Variants in SLIT2 observed in about 807,000 individuals in gnomAD.
SLIT2 encodes the protein slit homolog 2 protein.
SLIT2 carries 41 observed loss-of-function variants against 185.7 expected under a neutral mutation model. That is an observed-to-expected ratio of 0.22 (90% confidence interval 0.17 to 0.29). The LOEUF is 0.29. Among genes scored for constraint, SLIT2 ranks in the 10% least tolerant of loss-of-function variants. SLIT2 has a pLI of 1.00. For missense variants in SLIT2, 1,571 were observed against 1,909.0 expected (o/e 0.82, Z 3.30); for synonymous variants, 693 against 680.2 (o/e 1.02, Z -0.29).
At chr4:20,491,724 G>A in intron 8 of SLIT2, 37 bp from the exon 9 acceptor site, 4 of 1,581,942 alleles carry the variant, frequency 2.5e-6, no homozygotes, top group Non-Finnish European at 2.6e-6. Context: ...ATGATATTCA[G>A]GAGGAAAAAT....
chr4:20,472,911 ATAGT>A, intron 5 of SLIT2, among the ~76,000 whole-genome samples: 1 of 151,720 alleles, frequency 6.6e-6, no homozygotes, highest in South Asian at 2.1e-4. Context: ...ATTCTTAGTT[ATAGT>A]TATCCTAGGA....
chr4:20,529,510 G>A (rs1370203701), intron 16 of SLIT2, among the ~76,000 whole-genome samples: 1 of 152,102 alleles, frequency 6.6e-6, no homozygotes, highest in Non-Finnish European at 1.5e-5. Flanking sequence ...TAGATTCAAG[G>A]AGTCTGTCTT....
chr4:20,557,381 C>T lies in SLIT2; in HGVS notation c.2725+3413C>T, dbSNP rs149295563. Among the ~76,000 whole-genome samples the T allele has an allele frequency of 9.9e-5, 15 of 152,024 alleles. No homozygotes were observed. In the East Asian group the frequency reaches 1.4e-3, roughly 14 times the overall value. ...TGAAGCCAATGCTCATTTACCATTCCGAAAATCCTAGAGCCCTTGATAATT... is the reference window on the plus strand; with the variant it reads ...TGAAGCCAATGCTCATTTACCATTCTGAAAATCCTAGAGCCCTTGATAATT... On this transcript the variant is annotated intron_variant, in intron 26 of 36. Transcript: ENST00000504154.
At chr4:20,403,119 A>G (rs1281654778) in intron 4 of SLIT2, among the ~76,000 whole-genome samples, 1 of 152,052 alleles carries the variant, frequency 6.6e-6, no homozygotes, top group Non-Finnish European at 1.5e-5. Context: ...TCCAGATGCA[A>G]CTTGAAAATG....
At position 20,407,096 on chromosome 4, in the gene SLIT2, G is replaced by A. The variant is rs1455288765; in HGVS notation, c.396-60656G>A. On this transcript the variant is annotated intron_variant, in intron 4 of 36. Coordinates refer to ENST00000504154, the MANE Select transcript of SLIT2 (RefSeq NM_004787.4). ...TTTATTTCTTCAAAGTTCAAAAATG[G>A]CAGAACTAATCTGTAATAACATCAA... 6.6e-5 allele frequency among the ~76,000 whole-genome samples: 10 copies of A among 152,194 alleles called. No individual in the cohort carries two copies. The East Asian group carries it at 1.7e-3, about 26-fold the overall frequency.
Position 20,617,050 on chromosome 4 carries a change from T to G in SLIT2, c.3988T>G (p.Leu1330Val). 1 of 1,614,210 alleles carries G rather than the reference T, an allele frequency of 6.2e-7. No homozygotes were observed. The highest frequency in any genetic ancestry group is 1.1e-5 in the South Asian group (1 of 91,088). The change falls in exon 35 of 37, where the codon TTG (leucine) becomes GTG (valine). Residue 1330 changes from leucine (L) to valine (V), a missense_variant. Leu to Val is a conservative substitution (Grantham distance 32). This residue lies in a region of SLIT2 where 146 missense variants were observed against 247.4 expected (regional missense o/e 0.59). Coordinates refer to ENST00000504154, the MANE Select transcript of SLIT2 (RefSeq NM_004787.4). ...GAAGGTGCCGATGCAAACAGGCATT[T>G]TGCCTGGCTGTGAGCCATGCCACAA... ...FQKVPMQTGILPGCEPCHKKV... is the reference protein window; with the variant it reads ...FQKVPMQTGIVPGCEPCHKKV...
At chr4:20,374,460 G>C (rs1476659034) in intron 4 of SLIT2, among the ~76,000 whole-genome samples, 1 of 151,886 alleles carries the variant, frequency 6.6e-6, no homozygotes, top group Non-Finnish European at 1.5e-5. Flanking sequence ...CTGTTCTTTG[G>C]CATTTAAATG....
chr4:20,511,719 T>C (rs911062547), intron 11 of SLIT2, among the ~76,000 whole-genome samples: 11 of 151,364 alleles, frequency 7.3e-5, no homozygotes, highest in Non-Finnish European at 1.3e-4. Flanking sequence ...TGAGCCACCG[T>C]GCCCGGCCCA....
At chr4:20,272,213 T>G (rs1253054413) in intron 4 of SLIT2, among the ~76,000 whole-genome samples, 6 of 151,754 alleles carry the variant, frequency 4.0e-5, no homozygotes, top group African/African-American at 1.5e-4. Flanking sequence ...AAGCACTTGT[T>G]GACAGATGGA....
At chr4:20,414,046 G>A (rs1035129185) in intron 4 of SLIT2, among the ~76,000 whole-genome samples, 1 of 151,826 alleles carries the variant, frequency 6.6e-6, no homozygotes, top group African/African-American at 2.4e-5. Context: ...CTCTCTTATT[G>A]CTTCCATAGT....
intron 4 of SLIT2, among the ~76,000 whole-genome samples, chr4:20,276,211 CA>C (rs938192101): frequency 6.6e-6 from 1 of 152,028 alleles, no homozygotes; most frequent in African/African-American, 2.4e-5. Flanking sequence ...AAGTTTGAAC[CA>C]GAAGTCGTTT....
chr4:20,272,655 T>C (rs1713747277), intron 4 of SLIT2, among the ~76,000 whole-genome samples: 1 of 152,126 alleles, frequency 6.6e-6, no homozygotes, highest in African/African-American at 2.4e-5. Context: ...TTTCGGTTTA[T>C]TTCTTTGAGT....
chr4:20,383,161 C>T (rs1178701616), intron 4 of SLIT2, among the ~76,000 whole-genome samples: 2 of 152,118 alleles, frequency 1.3e-5, no homozygotes, highest in Non-Finnish European at 2.9e-5. Context: ...AACCTTGCAA[C>T]TTCTAGTAGA....
At chr4:20,366,364 T>C (rs1723117259) in intron 4 of SLIT2, among the ~76,000 whole-genome samples, 2 of 152,184 alleles carry the variant, frequency 1.3e-5, no homozygotes, top group African/African-American at 4.8e-5. Flanking sequence ...ACAAAATGCA[T>C]ATATCAAATG....
chr4:20,369,722 C>A (rs1723422436), intron 4 of SLIT2, among the ~76,000 whole-genome samples: 1 of 152,056 alleles, frequency 6.6e-6, no homozygotes, highest in South Asian at 2.1e-4. Context: ...TATGTCACTG[C>A]TTTGGCATCA....
chr4:20,332,839 A>G (rs569542761), intron 4 of SLIT2, among the ~76,000 whole-genome samples: 1 of 152,278 alleles, frequency 6.6e-6, no homozygotes, highest in African/African-American at 2.4e-5. Context: ...GGACTTCAAA[A>G]TGGTTCTTAC....
chr4:20,411,583 CAAAG>C (rs1460915815), intron 4 of SLIT2, among the ~76,000 whole-genome samples: 2 of 152,126 alleles, frequency 1.3e-5, no homozygotes, highest in Non-Finnish European at 2.9e-5. Flanking sequence ...ATTTTATAGT[CAAAG>C]AAACTTGAAC....
chr4:20,468,850 C>A (rs78285710), intron 5 of SLIT2, among the ~76,000 whole-genome samples: 1 of 143,718 alleles, frequency 7.0e-6, no homozygotes, highest in Admixed American at 7.0e-5. Context: ...GATCCAATGC[C>A]TTTTTTTTTT....
chr4:20,286,274 T>C (rs572951480), intron 4 of SLIT2, among the ~76,000 whole-genome samples: 1 of 152,284 alleles, frequency 6.6e-6, no homozygotes, highest in African/African-American at 2.4e-5. Flanking sequence ...GAGCTTGTTA[T>C]CCTCTCTCCC....
Sources: gnomAD v4.1 joint callset for allele counts (sites outside exome capture counted in the v4.1 genomes callset) on GRCh38, gnomAD v4.1.1 for gene constraint, gnomAD v4.1.1 regional missense constraint, MANE v1.5 for transcripts, NCBI Gene and HGNC (gene_info 2026-07-23, HGNC 2026-07-21) for gene names.